The following DOCK3 variants were observed in gnomAD, a reference collection of about 807,000 sequenced individuals.
DOCK3 encodes dedicator of cytokinesis 3.
In DOCK3, 60 loss-of-function variants were observed where a neutral mutation model predicts 265.6. That is an observed-to-expected ratio of 0.23 (90% CI 0.18 to 0.28). DOCK3 has a LOEUF of 0.28. Among genes scored for constraint, DOCK3 ranks in the 10% least tolerant of loss-of-function variants. DOCK3 has a pLI of 1.00. For missense variants in DOCK3, 1,981 were observed against 2,594.3 expected, an observed-to-expected ratio of 0.76 and a Z score of 5.14; for synonymous variants, 881 against 938.0, an observed-to-expected ratio of 0.94 and a Z score of 1.11.
chr3:51,000,460 C>A (rs925827144), intron 5 of DOCK3, among the ~76,000 whole-genome samples: 2 of 152,202 alleles, frequency 1.3e-5, no homozygotes, highest in Admixed American at 6.5e-5. Context: ...TGCTTTAAGA[C>A]TGTTGCCTTG....
chr3:51,164,397 C>T (rs1281451257), intron 12 of DOCK3, among the ~76,000 whole-genome samples: 2 of 151,956 alleles, frequency 1.3e-5, no homozygotes, highest in Admixed American at 1.3e-4. Context: ...CTGAGGCAGG[C>T]GGATCATGAG....
chr3:50,881,531 T>C (rs2048022949), intron 3 of DOCK3, among the ~76,000 whole-genome samples: 1 of 151,632 alleles, frequency 6.6e-6, no homozygotes, highest in Non-Finnish European at 1.5e-5. Flanking sequence ...TCAAAGAGAG[T>C]AAAATACCTA....
At chr3:50,874,078 T>TTG (rs1553689748) in intron 3 of DOCK3, among the ~76,000 whole-genome samples, 16 of 149,952 alleles carry the variant, frequency 1.1e-4, no homozygotes, top group African/African-American at 3.6e-4. Flanking sequence ...TTTTTTTTTT[T>TTG]TTGTTAAATT....
At chr3:50,917,952 C>T (rs1277902707) in intron 4 of DOCK3, among the ~76,000 whole-genome samples, 1 of 151,978 alleles carries the variant, frequency 6.6e-6, no homozygotes, top group East Asian at 1.9e-4. Context: ...ATGTTCCCCA[C>T]CCTGTGTCCA....
At chr3:50,757,269 C>G (rs1418372370) in intron 1 of DOCK3, among the ~76,000 whole-genome samples, 1 of 137,348 alleles carries the variant, frequency 7.3e-6, no homozygotes, top group Admixed American at 8.1e-5. Flanking sequence ...CTCCTGGGTT[C>G]AAGCGATTTC....
intron 2 of DOCK3, among the ~76,000 whole-genome samples, chr3:50,784,104 G>C (rs1000651628): frequency 1.3e-5 from 2 of 152,106 alleles, no homozygotes; most frequent in Admixed American, 6.6e-5. Context: ...CTGACCTCAA[G>C]TGATCCTCCC....
chr3:51,096,372 C>T (rs1321012612), intron 9 of DOCK3, among the ~76,000 whole-genome samples: 2 of 151,888 alleles, frequency 1.3e-5, no homozygotes, highest in Non-Finnish European at 2.9e-5. Context: ...CTTTTCTTCA[C>T]ACTTTATTTC....
chr3:50,798,067 A>G (rs1370010918), intron 2 of DOCK3, among the ~76,000 whole-genome samples: 2 of 152,226 alleles, frequency 1.3e-5, no homozygotes, highest in East Asian at 1.9e-4. Flanking sequence ...GTATAAATAA[A>G]TGCAAAAATA....
At chr3:51,260,812 T>C (rs1479488821) in intron 23 of DOCK3, among the ~76,000 whole-genome samples, 2 of 151,872 alleles carry the variant, frequency 1.3e-5, no homozygotes, top group Non-Finnish European at 2.9e-5. Flanking sequence ...TGAAACCCCA[T>C]CTCTACTAAA....
intron 5 of DOCK3, among the ~76,000 whole-genome samples, chr3:50,983,646 C>T (rs7431607): frequency 1 from 151,783 of 152,276 alleles, 75,653 homozygotes; most frequent in Middle Eastern, 1. Flanking sequence ...TGTGAGTCTC[C>T]TCTGAGCTGT....
intron 7 of DOCK3, among the ~76,000 whole-genome samples, chr3:51,079,296 A>G (rs1203030758): frequency 6.6e-6 from 1 of 152,052 alleles, no homozygotes; most frequent in Non-Finnish European, 1.5e-5. Context: ...CTTTAAATAC[A>G]CAGTTGGATT....
intron 12 of DOCK3, among the ~76,000 whole-genome samples, chr3:51,208,526 A>T (rs1560212455): frequency 6.6e-6 from 1 of 152,210 alleles, no homozygotes; most frequent in Non-Finnish European, 1.5e-5. Context: ...GGATAGTGTT[A>T]CTTCTGAGAG....
At chr3:50,968,750 A>G (rs1559875216) in intron 5 of DOCK3, among the ~76,000 whole-genome samples, 1 of 152,102 alleles carries the variant, frequency 6.6e-6, no homozygotes, top group East Asian at 1.9e-4. Flanking sequence ...GGGTTTCACC[A>G]TGTTGGCCAG....
In DOCK3 at chr3:51,214,216, A is replaced by G; in HGVS notation, c.1221A>G (p.Arg407=). ...MIFNRGLAIT[R]KLGFPDVIMP... ...TTAATAGGGGATTGGCAATTACAAG[A>G]AAATTGGGATTTCCTGATGTCATTA... is the stretch of plus-strand genomic sequence containing the variant. The change falls in exon 14 of 53, where the codon AGA becomes AGG. Residue 407 remains arginine (R), a synonymous_variant. Transcript: ENST00000266037. 1 of 1,613,798 alleles carries G rather than the reference A, an allele frequency of 6.2e-7. No individual in the cohort carries two copies. Among genetic ancestry groups the G allele is most frequent in the Non-Finnish European group, 8.5e-7 (1 of 1,179,822 alleles).
chr3:51,309,777 A>T (rs527279782), intron 27 of DOCK3, among the ~76,000 whole-genome samples: 1 of 152,316 alleles, frequency 6.6e-6, no homozygotes, highest in East Asian at 1.9e-4. Context: ...GGACAAGCAG[A>T]TTTTCAGAGG....
intron 2 of DOCK3, among the ~76,000 whole-genome samples, chr3:50,783,353 T>A (rs1432641674): frequency 1.3e-5 from 2 of 152,168 alleles, no homozygotes; most frequent in South Asian, 2.1e-4. Context: ...TTTTTATTTT[T>A]AAATTATGAT....
chr3:50,732,053 A>G (rs998551014), intron 1 of DOCK3, among the ~76,000 whole-genome samples: 2 of 151,898 alleles, frequency 1.3e-5, no homozygotes, highest in Non-Finnish European at 2.9e-5. Flanking sequence ...AAAAAAAAAC[A>G]ATGTCCAGGG....
intron 3 of DOCK3, among the ~76,000 whole-genome samples, chr3:50,852,473 G>A (rs1219224590): frequency 1.3e-5 from 2 of 152,054 alleles, no homozygotes; most frequent in East Asian, 3.9e-4. Context: ...CTTATGTTTT[G>A]TCTTTATTAT....
intron 5 of DOCK3, among the ~76,000 whole-genome samples, chr3:51,041,176 ATATATATATATATATATATATATATATAT>A (rs2080476331): frequency 2.9e-4 from 3 of 10,184 alleles, no homozygotes; most frequent in African/African-American, 5.2e-4. Context: ...ATATATATAT[ATATATATATATATATATATATATATATAT>A]TTTTTTTTTT....
Sources: gnomAD v4.1 joint callset for allele counts (sites outside exome capture counted in the v4.1 genomes callset) on GRCh38, gnomAD v4.1.1 for gene constraint, MANE v1.5 for transcripts, NCBI Gene and HGNC (gene_info 2026-07-23, HGNC 2026-07-21) for gene names.